Variants in RPS6KA2 observed in about 807,000 individuals in gnomAD.
The protein encoded by RPS6KA2 is ribosomal protein S6 kinase A2.
A neutral mutation model predicts 91.8 loss-of-function variants in RPS6KA2; 42 were observed. The observed-to-expected ratio is 0.46, with a 90% CI of 0.36 to 0.59. The LOEUF (loss-of-function observed/expected upper bound fraction) is 0.59. RPS6KA2 is among the 20% of genes least tolerant of loss of function. The pLI is 0.00. For synonymous variants in RPS6KA2, 414 were observed against 393.6 expected (o/e 1.05, Z -0.61); for missense variants, 798 against 978.5 (o/e 0.82, Z 2.46).
chr6:166,764,745 C>T (rs1350074689), intron 2 of RPS6KA2, among the ~76,000 whole-genome samples: 1 of 152,214 alleles, frequency 6.6e-6, no homozygotes, highest in African/African-American at 2.4e-5. Flanking sequence ...GAGGAAGACG[C>T]GCCACAGGGA....
chr6:166,860,486 A>G (rs1364200635), intron 1 of RPS6KA2, among the ~76,000 whole-genome samples: 2 of 152,174 alleles, frequency 1.3e-5, no homozygotes, highest in African/African-American at 4.8e-5. Context: ...TTCATTGCTG[A>G]TCCATTTATG....
At chr6:166,602,475 C>A (rs1367318973) in intron 1 of RPS6KA2, among the ~76,000 whole-genome samples, 1 of 152,180 alleles carries the variant, frequency 6.6e-6, no homozygotes, top group Admixed American at 6.5e-5. Flanking sequence ...GCATCCAGCC[C>A]CAGGGCAACT....
intron 17 of RPS6KA2, among the ~76,000 whole-genome samples, chr6:166,421,931 G>A (rs540498468): frequency 2.0e-5 from 3 of 152,206 alleles, no homozygotes; most frequent in South Asian, 2.1e-4. Context: ...ACGGAGTCCT[G>A]CTCTTTCAAC....
chr6:166,862,353 T>C, exon 1 of RPS6KA2: 1 of 1,434,532 alleles, frequency 7.0e-7, no homozygotes, highest in Non-Finnish European at 9.1e-7. Context: ...GCGCGGGGCC[T>C]GCGCCGGCCG....
Position 166,670,508 on chromosome 6 carries a change from G to A in RPS6KA2, c.124-131724C>T, listed in dbSNP as rs575651469. On this transcript the variant is annotated intron_variant, in intron 2 of 21. Coordinates refer to the RPS6KA2 transcript ENST00000503859. Reference sequence around the variant, plus strand: ...GTACTAAAGGTAGTTAGTACACCTCGTAAAAAATTGAAACATACTATTTCA... The same window carrying A: ...GTACTAAAGGTAGTTAGTACACCTCATAAAAAATTGAAACATACTATTTCA... Among the ~76,000 whole-genome samples, 24 of 152,258 alleles carry A rather than the reference G, an allele frequency of 1.6e-4. No individual in the cohort carries two copies. In the East Asian group the frequency reaches 3.9e-3, roughly 24 times the overall value.
chr6:166,773,068 C>A (rs1430505079), intron 2 of RPS6KA2, among the ~76,000 whole-genome samples: 1 of 152,220 alleles, frequency 6.6e-6, no homozygotes, highest in South Asian at 2.1e-4. Flanking sequence ...GCGGGCTCCA[C>A]GTCTGGGTCA....
intron 2 of RPS6KA2, among the ~76,000 whole-genome samples, chr6:166,854,789 T>C (rs1262751916): frequency 6.6e-6 from 1 of 152,144 alleles, no homozygotes; most frequent in Non-Finnish European, 1.5e-5. Flanking sequence ...ATATGAAAAC[T>C]TTTCAGAAAA....
chr6:166,410,930 T>C lies in RPS6KA2; in HGVS notation c.*1832A>G, dbSNP rs1778278147. On this transcript the variant is annotated 3_prime_UTR_variant, in exon 21 of 21. Transcript: ENST00000265678. ...AGGATTATCCACTTCTTCCTAAGTTTCTAAAAAGAAGTGAAATAATTAAGA... is the reference window on the plus strand; with the variant it reads ...AGGATTATCCACTTCTTCCTAAGTTCCTAAAAAGAAGTGAAATAATTAAGA... 1 of 152,140 alleles carries C rather than the reference T, an allele frequency of 6.6e-6. No individual in the cohort carries two copies. Among genetic ancestry groups the C allele is most frequent in the South Asian group, 2.1e-4 (1 of 4,834 alleles). 9.4% of individuals were successfully genotyped at this position (152,140 alleles called of 1,614,324 possible).
rs1479006350 is a variant in RPS6KA2, at chr6:166,435,345, T to C, written c.1333-2855A>G. Among the ~76,000 whole-genome samples, 3 of 152,156 alleles carry C rather than the reference T, an allele frequency of 2.0e-5. No homozygotes were observed. The highest frequency in any genetic ancestry group is 4.4e-5 in the Non-Finnish European group (3 of 68,042). On this transcript the variant is annotated intron_variant, in intron 14 of 20. Coordinates refer to ENST00000265678, the MANE Select transcript of RPS6KA2 (RefSeq NM_021135.6). The surrounding 1 kb of genome is among the most constrained non-coding windows in gnomAD (Gnocchi z 4.3). ...ATAAAAGCTAGCATGTATGTGCACA[T>C]GTGAGGCACACTGGATTTCAACCCA...
chr6:166,613,346 A>C (rs1786259293), intron 1 of RPS6KA2, among the ~76,000 whole-genome samples: 1 of 152,264 alleles, frequency 6.6e-6, no homozygotes, highest in African/African-American at 2.4e-5. Flanking sequence ...AACAGATTGC[A>C]GTATAACGAG....
In RPS6KA2 at chr6:166,430,476, T is replaced by C; in HGVS notation, c.1558A>G (p.Met520Val). The change falls in exon 16 of 21, where the codon ATG becomes GTG. Residue 520 changes from methionine (M) to valine (V), a missense_variant. Coordinates refer to ENST00000265678, the MANE Select transcript of RPS6KA2 (RefSeq NM_021135.6). ...SDVLCTITKT[M>V]DYLHSQGVVH... Reference sequence around the variant, plus strand: ...ACCCCCTGGGAATGGAGGTAGTCCATGGTCTTGGTGATGGTGCACAGGACG... The same window carrying C: ...ACCCCCTGGGAATGGAGGTAGTCCACGGTCTTGGTGATGGTGCACAGGACG... The C allele has an allele frequency of 6.2e-7, 1 of 1,613,506 alleles. No individual in the cohort carries two copies. Among genetic ancestry groups the C allele is most frequent in the South Asian group, 1.1e-5 (1 of 90,982 alleles).
intron 2 of RPS6KA2, among the ~76,000 whole-genome samples, chr6:166,719,795 T>C (rs1426772635): frequency 6.6e-6 from 1 of 152,224 alleles, no homozygotes; most frequent in Non-Finnish European, 1.5e-5. Context: ...TGATCATCAG[T>C]CTTGCATTGA....
rs146286768 is a variant in RPS6KA2, at chr6:166,419,206, T to G, written c.1820+676A>C. ...AGGATTCGATGGTCTAGGGTTCTTT[T>G]CTTTTTGCCTCCATTCAAGTATTTA... On this transcript the variant is annotated intron_variant, in intron 18 of 20. Transcript: ENST00000265678. This position sits in a 1 kb window ranked among gnomAD's most constrained non-coding sequence, Gnocchi z 5.6. Among the ~76,000 whole-genome samples the G allele has an allele frequency of 6.6e-6, 1 of 152,374 alleles. No homozygotes were observed. Among genetic ancestry groups the G allele is most frequent in the African/African-American group, 2.4e-5 (1 of 41,592 alleles).
At chr6:166,611,291 T>C (rs1786162747) in intron 1 of RPS6KA2, among the ~76,000 whole-genome samples, 1 of 152,244 alleles carries the variant, frequency 6.6e-6, no homozygotes, top group East Asian at 1.9e-4. Flanking sequence ...TATGTGCCCA[T>C]TTATTCTAAT....
In RPS6KA2 at chr6:166,686,003, T is replaced by A. The variant is rs57629699; in HGVS notation, c.124-147219A>T. ...TGAGACGAAGGAGCTGTGAGGTCTTTACATTCACAGCCTCAGGTCTTAGGG... is the reference window on the plus strand; with the variant it reads ...TGAGACGAAGGAGCTGTGAGGTCTTAACATTCACAGCCTCAGGTCTTAGGG... On this transcript the variant is annotated intron_variant, in intron 2 of 21. Transcript: ENST00000503859. Among the ~76,000 whole-genome samples the A allele has an allele frequency of 6.4e-3, 968 of 152,284 alleles. 21 individuals are homozygous for A. Among genetic ancestry groups the A allele is most frequent in the East Asian group, 0.063 (324 of 5,172 alleles).
At chr6:166,745,075 G>C (rs1790950299) in intron 2 of RPS6KA2, among the ~76,000 whole-genome samples, 1 of 152,014 alleles carries the variant, frequency 6.6e-6, no homozygotes, top group Non-Finnish European at 1.5e-5. Flanking sequence ...CTTGCTCTTT[G>C]GCTTTGGAGA....
chr6:166,742,658 C>G (rs1464346765), intron 2 of RPS6KA2, among the ~76,000 whole-genome samples: 1 of 152,190 alleles, frequency 6.6e-6, no homozygotes, highest in Non-Finnish European at 1.5e-5. Flanking sequence ...CCAGCAACAC[C>G]TTCCTCTTCT....
chr6:166,528,596 A>G (rs566220524), intron 3 of RPS6KA2, among the ~76,000 whole-genome samples: 25,208 of 142,526 alleles, frequency 0.18, 2,597 homozygotes, highest in African/African-American at 0.26. Flanking sequence ...AAGAGCTTCC[A>G]CACAGCAAAA....
chr6:166,494,566 A>G lies in RPS6KA2; in HGVS notation c.748-3825T>C, dbSNP rs557877100. ...AAAACAGCCCAAATATCCTTCTAGA[A>G]ACTGGCTCCAGCCTGGCGTAGAGGA... On this transcript the variant is annotated intron_variant, in intron 8 of 20. Transcript: ENST00000265678. This position sits in a 1 kb window ranked among gnomAD's most constrained non-coding sequence, Gnocchi z 5.1. Among the ~76,000 whole-genome samples the G allele has an allele frequency of 1.8e-4, 28 of 152,346 alleles. No homozygotes were observed. In the South Asian group the frequency reaches 5.8e-3, roughly 32 times the overall value.
Sources: allele counts gnomAD v4.1 joint callset (sites outside exome capture counted in the v4.1 genomes callset), GRCh38; gene constraint gnomAD v4.1.1; non-coding constraint Gnocchi (gnomAD v3.1); transcripts MANE v1.5; gene names NCBI Gene and HGNC (gene_info 2026-07-23, HGNC 2026-07-21).